The following B4GALT6 variants were observed in gnomAD, a reference collection of about 807,000 sequenced individuals.
The protein encoded by B4GALT6 is beta-1,4-galactosyltransferase 6.
A neutral mutation model predicts 46.3 loss-of-function variants in B4GALT6; 14 were observed. The ratio of observed to expected loss-of-function variants is 0.30; its 90% confidence interval spans 0.20 to 0.47. B4GALT6 has a LOEUF of 0.47. Among genes scored for constraint, B4GALT6 ranks in the 20% least tolerant of loss-of-function variants. B4GALT6 has a pLI of 0.99. For synonymous variants in B4GALT6, 168 were observed against 162.0 expected (o/e 1.04, Z -0.28); for missense variants, 386 against 480.1 (o/e 0.80, Z 1.83).
chr18:31,702,542 T>C, the B4GALT6 span, among the ~76,000 whole-genome samples: 1 of 152,230 alleles, frequency 6.6e-6, no homozygotes, highest in East Asian at 1.9e-4. Context: ...GGGATCCCTG[T>C]AGGCAGCAAA....
At chr18:31,661,002 C>G (rs754880093) in intron 2 of B4GALT6, among the ~76,000 whole-genome samples, 26 of 152,294 alleles carry the variant, frequency 1.7e-4, no homozygotes, top group Non-Finnish European at 2.6e-4. Context: ...GGAAACCCCC[C>G]CTTAGCGTGG....
intron 5 of B4GALT6, among the ~76,000 whole-genome samples, chr18:31,634,148 C>T (rs138703160): frequency 5.8e-4 from 88 of 152,252 alleles, no homozygotes; most frequent in African/African-American, 2.0e-3. Flanking sequence ...AAAGGCCAGA[C>T]GGGGAAAGGC....
At chr18:31,682,121 A>T (rs925082461) in intron 1 of B4GALT6, among the ~76,000 whole-genome samples, 2 of 152,156 alleles carry the variant, frequency 1.3e-5, no homozygotes, top group African/African-American at 2.4e-5. Flanking sequence ...CAACTGAAAA[A>T]CTATGGTTAA....
At chr18:31,653,515 T>C (rs1008953152) in intron 3 of B4GALT6, among the ~76,000 whole-genome samples, 1 of 140,572 alleles carries the variant, frequency 7.1e-6, no homozygotes, top group African/African-American at 2.6e-5. Flanking sequence ...CGATCTCGGC[T>C]CACTGCAACC....
At chr18:31,684,260 T>C in intron 1 of B4GALT6, 52 bp downstream of exon 1, 2 of 1,609,144 alleles carry the variant, frequency 1.2e-6, no homozygotes, top group Non-Finnish European at 1.7e-6. Flanking sequence ...GATAACAGCC[T>C]GCGCTGGCTG....
At chr18:31,633,081 C>T (rs2073811697) in intron 5 of B4GALT6, among the ~76,000 whole-genome samples, 1 of 152,074 alleles carries the variant, frequency 6.6e-6, no homozygotes, top group South Asian at 2.1e-4. Context: ...ACTGAAAATG[C>T]CATTAGTCTA....
At chr18:31,639,994 G>C (rs2073910188) in intron 4 of B4GALT6, among the ~76,000 whole-genome samples, 2 of 152,062 alleles carry the variant, frequency 1.3e-5, no homozygotes, top group African/African-American at 4.8e-5. Context: ...CAACTTCCTA[G>C]CTGAGCTAGC....
the B4GALT6 span, among the ~76,000 whole-genome samples, chr18:31,693,239 A>C: frequency 2.0e-5 from 3 of 152,180 alleles, no homozygotes; most frequent in African/African-American, 4.8e-5. Context: ...CACAACACAC[A>C]TTGTGGAACC....
At chr18:31,629,079 C>T (rs1385116503) in intron 6 of B4GALT6, among the ~76,000 whole-genome samples, 1 of 152,138 alleles carries the variant, frequency 6.6e-6, no homozygotes, top group Non-Finnish European at 1.5e-5. Flanking sequence ...AATATATTTT[C>T]CCTCCCTTAT....
chr18:31,715,934 A>T, the B4GALT6 span, among the ~76,000 whole-genome samples: 1 of 152,052 alleles, frequency 6.6e-6, no homozygotes, highest in Admixed American at 6.6e-5. Flanking sequence ...ATGTCATCTG[A>T]TCATCTCAAC....
At chr18:31,720,521 G>C in the B4GALT6 span, among the ~76,000 whole-genome samples, 1 of 152,248 alleles carries the variant, frequency 6.6e-6, no homozygotes, top group Non-Finnish European at 1.5e-5. Flanking sequence ...ACCAGACCTG[G>C]AGCAGGAACC....
intron 8 of B4GALT6, 53 bp downstream of exon 8, chr18:31,626,230 A>G: frequency 4.6e-6 from 5 of 1,075,416 alleles, no homozygotes; most frequent in Non-Finnish European, 6.7e-6. Flanking sequence ...TTTACCTTTC[A>G]TTTATTCAAC....
In B4GALT6 at chr18:31,638,344, G is replaced by T. The variant is rs139394748; in HGVS notation, c.588+300C>A. On this transcript the variant is annotated intron_variant, in intron 5 of 8. Coordinates refer to ENST00000306851, the MANE Select transcript of B4GALT6 (RefSeq NM_004775.5). The stretch of plus-strand genomic sequence containing the variant: ...AGATCAAGACCATCCTGGCTAACAC[G>T]GTGAAACCCTGTATCTACTAAAAAT... Among the ~76,000 whole-genome samples, 210 of 152,158 alleles carry T rather than the reference G, an allele frequency of 1.4e-3. 2 individuals are homozygous for T. In the East Asian group the frequency reaches 0.031, roughly 22 times the overall value.
upstream of B4GALT6, among the ~76,000 whole-genome samples, chr18:31,688,413 ATG>A (rs2030004634): frequency 1.3e-5 from 2 of 151,858 alleles, no homozygotes; most frequent in South Asian, 4.1e-4. Flanking sequence ...GAAATTTTAA[ATG>A]TCTTACATTT....
chr18:31,716,775 G>A, the B4GALT6 span, among the ~76,000 whole-genome samples: 4 of 152,252 alleles, frequency 2.6e-5, no homozygotes, highest in East Asian at 7.7e-4. Context: ...GGGCATTAAT[G>A]TGCTAACAGA....
At chr18:31,642,409 A>T (rs1324737252) in intron 4 of B4GALT6, among the ~76,000 whole-genome samples, 2 of 152,186 alleles carry the variant, frequency 1.3e-5, no homozygotes, top group Non-Finnish European at 2.9e-5. Context: ...CTCATCTTTG[A>T]GGTACATTGG....
chr18:31,654,607 C>A (rs1234714079), intron 3 of B4GALT6, among the ~76,000 whole-genome samples: 1 of 152,140 alleles, frequency 6.6e-6, no homozygotes, highest in Non-Finnish European at 1.5e-5. Context: ...AAATCCAGTG[C>A]CAGTGTTTCC....
intron 4 of B4GALT6, among the ~76,000 whole-genome samples, chr18:31,639,740 G>A (rs1028908959): frequency 2.0e-5 from 3 of 152,088 alleles, no homozygotes; most frequent in East Asian, 3.8e-4. Context: ...TAGTTTCTTA[G>A]TACGTTAATC....
intron 3 of B4GALT6, among the ~76,000 whole-genome samples, chr18:31,651,872 G>T (rs185278617): frequency 2.0e-5 from 3 of 152,092 alleles, no homozygotes; most frequent in Non-Finnish European, 4.4e-5. Flanking sequence ...CTGGGTTCAC[G>T]CCATTCTCCT....
Sources: allele counts gnomAD v4.1 joint callset (sites outside exome capture counted in the v4.1 genomes callset), GRCh38; gene constraint gnomAD v4.1.1; transcripts MANE v1.5; gene names NCBI Gene and HGNC (gene_info 2026-07-23, HGNC 2026-07-21).